Variants in DNMT1 observed in about 807,000 individuals in gnomAD.
DNMT1 encodes DNA methyltransferase 1.
A neutral mutation model predicts 205.3 loss-of-function variants in DNMT1; 24 were observed. That is an observed-to-expected ratio of 0.12 (90% CI 0.08 to 0.16). The LOEUF (loss-of-function observed/expected upper bound fraction) is 0.16. Ranked by LOEUF, DNMT1 falls within the 10% of genes least tolerant of loss-of-function variation. The pLI is 1.00. For synonymous variants in DNMT1, 817 were observed against 839.8 expected (o/e 0.97, Z 0.47); for missense variants, 1,293 against 2,177.7 (o/e 0.59, Z 8.09).
intron 37 of DNMT1, among the ~76,000 whole-genome samples, chr19:10,136,618 T>A (rs955249951): frequency 1.3e-5 from 2 of 152,218 alleles, no homozygotes; most frequent in South Asian, 2.1e-4. Context: ...GTAGTTTTAA[T>A]AGAGATGGGG....
At chr19:10,181,547 C>T (rs2039046788) in intron 2 of DNMT1, among the ~76,000 whole-genome samples, 1 of 149,120 alleles carries the variant, frequency 6.7e-6, no homozygotes, top group Admixed American at 6.7e-5. Context: ...AAAAAAAAAA[C>T]CTGGGCCAGG....
At position 10,173,767 on chromosome 19, in the gene DNMT1, C is replaced by G. The variant is rs532963943; in HGVS notation, c.683+104G>C. 197 of 1,274,794 alleles carry G rather than the reference C, an allele frequency of 1.5e-4. 5 individuals are homozygous for G. In the South Asian group the frequency reaches 2.3e-3, roughly 15 times the overall value. The allele number at this position is 1,274,794 out of a possible 1,614,324, so 79.0% of individuals were successfully genotyped here. A position where few individuals can be genotyped will look rare whatever the true frequency, so the allele number is the denominator to read the frequency against. ...TTGGCCTCCCAAAGTGCTGAGATTACAGGCATGAGTCACCGTGCCCGGCCT... is the reference window on the plus strand; with the variant it reads ...TTGGCCTCCCAAAGTGCTGAGATTAGAGGCATGAGTCACCGTGCCCGGCCT... On this transcript the variant is annotated intron_variant, in intron 8 of 40. Transcript: ENST00000359526.
chr19:10,160,568 C>T, intron 13 of DNMT1, 150 bp from the exon 14 acceptor site: 1 of 783,898 alleles, frequency 1.3e-6, no homozygotes, highest in East Asian at 2.8e-5. Flanking sequence ...TGAGCTCTGA[C>T]TCACTCTACC....
intron 5 of DNMT1, 31 bp downstream of exon 5, chr19:10,180,156 A>G (rs1281845920): frequency 8.8e-6 from 6 of 683,258 alleles, no homozygotes; most frequent in South Asian, 8.5e-5. Context: ...TCTACTAAAT[A>G]CAAAAATTAG....
intron 27 of DNMT1, among the ~76,000 whole-genome samples, chr19:10,148,428 T>G (rs1426104229): frequency 1.4e-5 from 2 of 143,834 alleles, no homozygotes; most frequent in Non-Finnish European, 3.0e-5. Context: ...CCCAGGAAGC[T>G]GAGTTTGCAG....
chr19:10,178,469 T>G (rs2038976904), intron 5 of DNMT1, among the ~76,000 whole-genome samples: 1 of 149,854 alleles, frequency 6.7e-6, no homozygotes, highest in Non-Finnish European at 1.5e-5. Flanking sequence ...TAAAAGAAAA[T>G]AAAATAAGGC....
At position 10,137,378 on chromosome 19, in the gene DNMT1, C is replaced by A. The variant is rs938326130; in HGVS notation, c.4294-98G>T. 15 of 1,429,408 alleles carry A rather than the reference C, an allele frequency of 1.0e-5. No individual in the cohort carries two copies. Among genetic ancestry groups the A allele is most frequent in the African/African-American group, 1.4e-5 (1 of 70,942 alleles). The allele number at this position is 1,429,408 out of a possible 1,614,324, so 88.5% of individuals were successfully genotyped here. Reference sequence around the variant, plus strand: ...TGGGAACACCATGGTGACCAGGAAGCCCCCTGGGGCTCACGCCCATCGGGA... The same window carrying A: ...TGGGAACACCATGGTGACCAGGAAGACCCCTGGGGCTCACGCCCATCGGGA... On this transcript the variant is annotated intron_variant, in intron 36 of 40. Transcript: ENST00000359526. This position sits in a 1 kb window ranked among gnomAD's most constrained non-coding sequence, Gnocchi z 6.4.
chr19:10,188,757 G>A (rs1352631817), intron 1 of DNMT1, among the ~76,000 whole-genome samples: 1 of 152,194 alleles, frequency 6.6e-6, no homozygotes, highest in Non-Finnish European at 1.5e-5. Flanking sequence ...CAACGTTGGA[G>A]GACGGGTCAG....
chr19:10,155,646 A>G (rs1424587947), intron 19 of DNMT1, among the ~76,000 whole-genome samples: 2 of 151,988 alleles, frequency 1.3e-5, no homozygotes, highest in Non-Finnish European at 2.9e-5. Context: ...TCCGGCCAAG[A>G]CCTGCTCTTA....
chr19:10,168,887 G>A (rs1303370205), intron 9 of DNMT1, among the ~76,000 whole-genome samples: 1 of 152,134 alleles, frequency 6.6e-6, no homozygotes, highest in African/African-American at 2.4e-5. Context: ...ACCCAGGCTG[G>A]AGTGCAGTGG....
chr19:10,140,774 C>T lies in DNMT1; in HGVS notation c.3523+7G>A, dbSNP rs1276026204. 7.4e-6 allele frequency: 12 copies of T among 1,613,872 alleles called. No individual in the cohort carries two copies. Among genetic ancestry groups the T allele is most frequent in the Admixed American group, 3.3e-5 (2 of 59,994 alleles). Reference sequence around the variant, plus strand: ...GGTATTCAGAGATGGAGCCTACGGGCGCTCACCTGCTTGGTGGAATCCCTC... The same window carrying T: ...GGTATTCAGAGATGGAGCCTACGGGTGCTCACCTGCTTGGTGGAATCCCTC... On this transcript the variant is annotated splice_region_variant and intron_variant, in intron 32 of 40. Coordinates refer to ENST00000359526, the MANE Select transcript of DNMT1 (RefSeq NM_001130823.3). This position sits in a 1 kb window ranked among gnomAD's most constrained non-coding sequence, Gnocchi z 8.4.
Position 10,140,739 on chromosome 19 carries a change from G to T in DNMT1, c.3523+42C>A. The T allele has an allele frequency of 6.2e-7, 1 of 1,613,802 alleles. No homozygotes were observed. Among genetic ancestry groups the T allele is most frequent in the South Asian group, 1.1e-5 (1 of 91,082 alleles). On this transcript the variant is annotated intron_variant, in intron 32 of 40. Transcript: ENST00000359526. This position sits in a 1 kb window ranked among gnomAD's most constrained non-coding sequence, Gnocchi z 8.4. ...GTTTCAGGTAGCACCTGCCCGGTCTGGGCTCACCAGGTATTCAGAGATGGA... is the reference window on the plus strand; with the variant it reads ...GTTTCAGGTAGCACCTGCCCGGTCTTGGCTCACCAGGTATTCAGAGATGGA...
At chr19:10,148,810 C>T (rs1025190004) in intron 27 of DNMT1, 74 bp downstream of exon 27, 30 of 1,611,202 alleles carry the variant, frequency 1.9e-5, no homozygotes, top group Middle Eastern at 1.8e-4. Context: ...GCCAACCAGA[C>T]GGAAGCACAC....
intron 1 of DNMT1, among the ~76,000 whole-genome samples, chr19:10,193,735 C>A (rs924788406): frequency 2.4e-4 from 36 of 151,688 alleles, no homozygotes; most frequent in Non-Finnish European, 4.1e-4. Context: ...CCCAAAGACC[C>A]AAATCAGAAC....
At position 10,145,337 on chromosome 19, in the gene DNMT1, G is replaced by C. The variant is rs183803693; in HGVS notation, c.2894+1014C>G. Among the ~76,000 whole-genome samples, 8 of 152,318 alleles carry C rather than the reference G, an allele frequency of 5.3e-5. No homozygotes were observed. In the East Asian group the frequency reaches 1.4e-3, roughly 26 times the overall value. ...CCCTTCCCACCAAGGACAACCAGAG[G>C]GGGTAACGCGCCCCAACTGTGCCAA... On this transcript the variant is annotated intron_variant, in intron 28 of 40. Coordinates refer to ENST00000359526, the MANE Select transcript of DNMT1 (RefSeq NM_001130823.3).
intron 2 of DNMT1, 106 bp downstream of exon 2, chr19:10,181,935 T>C: frequency 1.0e-6 from 1 of 977,450 alleles, no homozygotes; most frequent in African/African-American, 1.6e-5. Flanking sequence ...TGAAACTCCA[T>C]GGGAAAAAAT....
chr19:10,149,202 G>A (rs954897004), intron 26 of DNMT1, among the ~76,000 whole-genome samples, 185 bp from the exon 27 acceptor site: 3 of 147,492 alleles, frequency 2.0e-5, no homozygotes, highest in African/African-American at 7.5e-5. Flanking sequence ...GTGGGTGCCT[G>A]TAATCCCAAC....
At chr19:10,194,652 G>A (rs1330998373) in intron 1 of DNMT1, 168 bp downstream of exon 1, 5 of 913,888 alleles carry the variant, frequency 5.5e-6, no homozygotes, top group South Asian at 2.2e-5. Context: ...GGGCACGCGC[G>A]ACCGGAAGTG....
At position 10,140,527 on chromosome 19, in the gene DNMT1, G is replaced by A. The variant is rs901842282; in HGVS notation, c.3524-199C>T. The A allele has an allele frequency of 9.3e-5, 85 of 910,004 alleles. 1 individual carries two copies. Among genetic ancestry groups the A allele is most frequent in the Middle Eastern group, 3.4e-4 (1 of 2,972 alleles). The allele number at this position is 910,004 out of a possible 1,614,324, so 56.4% of individuals were successfully genotyped here. On this transcript the variant is annotated intron_variant, in intron 32 of 40. Coordinates refer to ENST00000359526, the MANE Select transcript of DNMT1 (RefSeq NM_001130823.3). The surrounding 1 kb of genome is among the most constrained non-coding windows in gnomAD (Gnocchi z 8.4). ...TGGGACTACAGGCACACACCACCAC[G>A]CCCAGCTAATTTTTGTATTCTTATT...
Sources: gnomAD v4.1 joint callset for allele counts (sites outside exome capture counted in the v4.1 genomes callset) on GRCh38, gnomAD v4.1.1 for gene constraint, Gnocchi (gnomAD v3.1) non-coding constraint, MANE v1.5 for transcripts, NCBI Gene and HGNC (gene_info 2026-07-23, HGNC 2026-07-21) for gene names.